Variants in BLNK observed in about 807,000 individuals in gnomAD.
BLNK encodes B cell linker.
BLNK carries 29 observed loss-of-function variants against 73.5 expected under a neutral mutation model. That is an observed-to-expected ratio of 0.39 (90% confidence interval 0.29 to 0.54). The LOEUF is 0.54. BLNK is among the 20% of genes least tolerant of loss of function. The pLI, the probability that BLNK is intolerant of heterozygous loss-of-function variation, is 0.61. For missense variants in BLNK, 460 were observed against 562.8 expected, an observed-to-expected ratio of 0.82 and a Z score of 1.85; for synonymous variants, 176 against 200.8, an observed-to-expected ratio of 0.88 and a Z score of 1.04.
intron 6 of BLNK, among the ~76,000 whole-genome samples, chr10:96,217,834 C>T (rs1194768500): frequency 6.6e-6 from 1 of 152,138 alleles, no homozygotes; most frequent in Non-Finnish European, 1.5e-5. Flanking sequence ...TCTTTTATTG[C>T]TTGTACTTTT....
In BLNK at chr10:96,200,508, A is replaced by T. The variant is rs1354791284; in HGVS notation, c.1012-350T>A. ...AATATTATTTTATTTGATTCTTGCA[A>T]GAAAGGATATATGCCTTCTTTGAAG... On this transcript the variant is annotated intron_variant, in intron 14 of 16. Transcript: ENST00000224337. The surrounding 1 kb of genome is among the most constrained non-coding windows in gnomAD (Gnocchi z 4.3). Among the ~76,000 whole-genome samples the T allele has an allele frequency of 6.6e-6, 1 of 152,210 alleles. No homozygotes were observed. The highest frequency in any genetic ancestry group is 6.5e-5 in the Admixed American group (1 of 15,288).
Position 96,196,920 on chromosome 10 carries a change from T to C in BLNK, c.1239A>G (p.Lys413=). 6.2e-7 allele frequency: 1 copy of C among 1,613,440 alleles called. No homozygotes were observed. The highest frequency in any genetic ancestry group is 8.5e-7 in the Non-Finnish European group (1 of 1,179,724). Residue 413 remains lysine, a synonymous_variant, in exon 16 of 17, where the codon AAA becomes AAG. Transcript: ENST00000224337. ...ATKQYALGRK[K]NGEEYFGSVA... Reference sequence around the variant, plus strand: ...AGAAATCACTGACCTCTTCACCATTTTTCTTTCTGCCCAAGGCATATTGTT... The same window carrying C: ...AGAAATCACTGACCTCTTCACCATTCTTCTTTCTGCCCAAGGCATATTGTT...
intron 1 of BLNK, among the ~76,000 whole-genome samples, chr10:96,264,136 C>T (rs1267119962): frequency 6.6e-6 from 1 of 152,190 alleles, no homozygotes; most frequent in Non-Finnish European, 1.5e-5. Flanking sequence ...CTAAGGCTGC[C>T]TTTGAGCGCT....
intron 3 of BLNK, among the ~76,000 whole-genome samples, chr10:96,234,601 G>A (rs1450317393): frequency 6.6e-6 from 1 of 152,152 alleles, no homozygotes; most frequent in African/African-American, 2.4e-5. Flanking sequence ...TAAGAACAGT[G>A]CCTGTATCAT....
At chr10:96,257,822 A>T (rs552106106) in intron 1 of BLNK, among the ~76,000 whole-genome samples, 4 of 152,314 alleles carry the variant, frequency 2.6e-5, no homozygotes, top group African/African-American at 9.6e-5. Context: ...GTAATGCAGG[A>T]AAGGGGCTCC....
intron 1 of BLNK, among the ~76,000 whole-genome samples, chr10:96,264,552 A>T (rs1203702483): frequency 6.6e-6 from 1 of 152,134 alleles, no homozygotes; most frequent in African/African-American, 2.4e-5. Context: ...GTTTCCTGAG[A>T]TCCAGATTCA....
chr10:96,215,340 A>G lies in BLNK; in HGVS notation c.657T>C (p.Ser219=), dbSNP rs2084038583. The change falls in exon 8 of 17, where the codon TCT becomes TCC. Residue 219 remains serine, a synonymous_variant. Transcript: ENST00000224337. The part of the protein sequence containing the change: ...STKPNSSTPA[S]PPGTASGRNS... Reference sequence around the variant, plus strand: ...CTTTACCTGAAGCTGTTCCTGGAGGAGAGGCGGGCGTTGAGGAATTTGGCT... The same window carrying G: ...CTTTACCTGAAGCTGTTCCTGGAGGGGAGGCGGGCGTTGAGGAATTTGGCT... 6.2e-7 allele frequency: 1 copy of G among 1,613,974 alleles called. No homozygotes were observed. Among genetic ancestry groups the G allele is most frequent in the Admixed American group, 1.7e-5 (1 of 59,996 alleles).
At chr10:96,268,798 C>T (rs1350268359) in intron 1 of BLNK, among the ~76,000 whole-genome samples, 1 of 152,150 alleles carries the variant, frequency 6.6e-6, no homozygotes, top group African/African-American at 2.4e-5. Context: ...CAAGGTCATT[C>T]CTTTCAGTCC....
chr10:96,259,488 C>T (rs536974960), intron 1 of BLNK, among the ~76,000 whole-genome samples: 6 of 152,114 alleles, frequency 3.9e-5, no homozygotes, highest in East Asian at 3.9e-4. Context: ...GCTGGAAGGA[C>T]GCCACCATAA....
intron 5 of BLNK, among the ~76,000 whole-genome samples, chr10:96,227,111 G>A (rs191520366): frequency 1.2e-3 from 185 of 152,092 alleles, no homozygotes; most frequent in African/African-American, 4.2e-3. Context: ...TGTTGGGAGG[G>A]AGCACAACCA....
In BLNK at chr10:96,242,782, A is replaced by T. The variant is rs1842919488; in HGVS notation, c.116T>A (p.Leu39Gln). The T allele has an allele frequency of 6.2e-7, 1 of 1,613,800 alleles. No homozygotes were observed. The highest frequency in any genetic ancestry group is 8.5e-7 in the Non-Finnish European group (1 of 1,179,768). The change falls in exon 3 of 17, where the codon CTA becomes CAA. Residue 39 changes from leucine to glutamine, a missense_variant and splice_region_variant. By Grantham distance (113) the Leu-to-Gln change is moderately radical. This residue lies in a region of BLNK where 139 missense variants were observed against 187.3 expected (regional missense o/e 0.74). Transcript: ENST00000224337. ...EGGIMNKIKK[L>Q]KVKAPPSVPR... is the part of the protein sequence containing the mutation. Reference sequence around the variant, plus strand: ...AACACTTGGAGGTGCTTTGACTTTTAGCCTGGAAATAACAACCATGAGACA... The same window carrying T: ...AACACTTGGAGGTGCTTTGACTTTTTGCCTGGAAATAACAACCATGAGACA...
intron 16 of BLNK, among the ~76,000 whole-genome samples, chr10:96,193,751 A>G (rs587745938): frequency 2.3e-4 from 35 of 152,332 alleles, no homozygotes; most frequent in Middle Eastern, 3.4e-3. Context: ...TCAATGTTGT[A>G]TCACACAGTG....
chr10:96,224,082 G>T, intron 5 of BLNK, 93 bp from the exon 6 acceptor site: 2 of 1,424,866 alleles, frequency 1.4e-6, no homozygotes, highest in East Asian at 2.3e-5. Context: ...ATAAAACCAC[G>T]GGTGTCTATG....
Position 96,189,299 on chromosome 10 carries a change from A to G in BLNK, c.*2674T>C. 1 of 461,354 alleles carries G rather than the reference A, an allele frequency of 2.2e-6. No individual in the cohort carries two copies. The highest frequency in any genetic ancestry group is 4.1e-6 in the Non-Finnish European group (1 of 243,258). 28.6% of individuals were successfully genotyped at this position (461,354 alleles called of 1,614,324 possible). A position where few individuals can be genotyped will look rare whatever the true frequency, so the allele number is the denominator to read the frequency against. On this transcript the variant is annotated 3_prime_UTR_variant, in exon 17 of 17. Transcript: ENST00000224337. ...TGCATTATAGAAAGGACAGCCAGATATTGACTGTTAGAGAAATGAAATAAG... is the reference window on the plus strand; with the variant it reads ...TGCATTATAGAAAGGACAGCCAGATGTTGACTGTTAGAGAAATGAAATAAG...
chr10:96,223,865 A>C lies in BLNK; in HGVS notation c.486T>G (p.Pro162=). ...TLPALTALQK[P]QVPPKPKGLL... ...GGCCTTTGGGTTTGGGTGGGACTTG[A>C]GGTTTCTGCAAAGCAGTCAGGGCCG... is the stretch of plus-strand genomic sequence containing the variant. Residue 162 remains proline (P), a synonymous_variant, in exon 6 of 17, where the codon CCT becomes CCG. Transcript: ENST00000224337. 1 of 1,613,756 alleles carries C rather than the reference A, an allele frequency of 6.2e-7. No individual in the cohort carries two copies. The highest frequency in any genetic ancestry group is 8.5e-7 in the Non-Finnish European group (1 of 1,179,998).
intron 1 of BLNK, among the ~76,000 whole-genome samples, chr10:96,261,068 C>T (rs555916353): frequency 1.1e-4 from 16 of 152,224 alleles, no homozygotes; most frequent in African/African-American, 3.6e-4. Context: ...TGGTCTCAAA[C>T]TCCTGAGCTC....
intron 15 of BLNK, 30 bp from the exon 16 acceptor site, chr10:96,197,093 A>G: frequency 6.4e-7 from 1 of 1,565,152 alleles, no homozygotes; most frequent in East Asian, 2.3e-5. Context: ...AAACATAATT[A>G]TGGTTAGTAT....
At chr10:96,199,997 C>T in intron 15 of BLNK, 78 bp downstream of exon 15, 1 of 1,076,990 alleles carries the variant, frequency 9.3e-7, no homozygotes, top group South Asian at 2.7e-5. Flanking sequence ...CACTGCACTC[C>T]AGTGAAACTG....
intron 1 of BLNK, among the ~76,000 whole-genome samples, chr10:96,259,263 G>T (rs1314462521): frequency 6.6e-6 from 1 of 152,160 alleles, no homozygotes; most frequent in African/African-American, 2.4e-5. Flanking sequence ...CTTGCTATTG[G>T]TCCCCAAGGT....
Sources: allele counts gnomAD v4.1 joint callset (sites outside exome capture counted in the v4.1 genomes callset), GRCh38; gene constraint gnomAD v4.1.1; regional missense constraint gnomAD v4.1.1; non-coding constraint Gnocchi (gnomAD v3.1); transcripts MANE v1.5; gene names NCBI Gene and HGNC (gene_info 2026-07-23, HGNC 2026-07-21).